Variants in CAMTA1 observed in about 807,000 individuals in gnomAD.
The protein encoded by CAMTA1 is calmodulin-binding transcription activator 1.
In CAMTA1, 27 loss-of-function variants were observed where a neutral mutation model predicts 170.9. The ratio of observed to expected loss-of-function variants is 0.16; its 90% CI spans 0.12 to 0.22. The LOEUF is 0.22. CAMTA1 is among the 10% of genes least tolerant of loss of function. The pLI is 1.00. For missense variants in CAMTA1, 1,619 were observed against 2,217.2 expected (o/e 0.73, Z 5.42); for synonymous variants, 833 against 891.5 (o/e 0.93, Z 1.17).
At chr1:7,469,952 G>T (rs1244142803) in intron 6 of CAMTA1, among the ~76,000 whole-genome samples, 1 of 152,200 alleles carries the variant, frequency 6.6e-6, no homozygotes, top group Non-Finnish European at 1.5e-5. Context: ...TCCAGCCTCC[G>T]TATGCTGGAG....
At chr1:7,191,097 G>A (rs905122505) in intron 4 of CAMTA1, among the ~76,000 whole-genome samples, 1 of 152,226 alleles carries the variant, frequency 6.6e-6, no homozygotes, top group African/African-American at 2.4e-5. Context: ...CATTTTGTTT[G>A]TTTGGCTTTA....
At chr1:7,229,613 A>G (rs1558278596) in intron 4 of CAMTA1, among the ~76,000 whole-genome samples, 1 of 99,386 alleles carries the variant, frequency 1.0e-5, no homozygotes, top group Admixed American at 1.1e-4. Flanking sequence ...AGGGGAGGCT[A>G]GGAGGAGAGG....
At chr1:7,498,811 G>T (rs1481015328) in intron 6 of CAMTA1, among the ~76,000 whole-genome samples, 1 of 148,090 alleles carries the variant, frequency 6.8e-6, no homozygotes, top group Non-Finnish European at 1.5e-5. Flanking sequence ...GTGTACATGT[G>T]TGTAGAGAGG....
chr1:7,068,625 A>G (rs965520909), intron 3 of CAMTA1, among the ~76,000 whole-genome samples: 2 of 151,456 alleles, frequency 1.3e-5, no homozygotes, highest in Non-Finnish European at 2.9e-5. Context: ...AATAATCTGG[A>G]CAAATAAAGT....
chr1:7,433,535 G>A (rs2092249760), intron 5 of CAMTA1, among the ~76,000 whole-genome samples: 1 of 152,198 alleles, frequency 6.6e-6, no homozygotes, highest in South Asian at 2.1e-4. Context: ...CCAATGGCAA[G>A]GTGAAGCCAC....
intron 3 of CAMTA1, among the ~76,000 whole-genome samples, chr1:6,949,724 A>G (rs1688156529): frequency 6.6e-6 from 1 of 152,236 alleles, no homozygotes; most frequent in Non-Finnish European, 1.5e-5. Flanking sequence ...TTCTCACTGT[A>G]GAGCTAACCT....
At chr1:6,969,970 G>A (rs569053091) in intron 3 of CAMTA1, among the ~76,000 whole-genome samples, 3 of 152,178 alleles carry the variant, frequency 2.0e-5, no homozygotes, top group Admixed American at 6.5e-5. Context: ...CATGTCACAC[G>A]TGCAAATTTG....
intron 3 of CAMTA1, among the ~76,000 whole-genome samples, chr1:7,084,887 A>G (rs1327577943): frequency 6.6e-6 from 1 of 152,240 alleles, no homozygotes; most frequent in African/African-American, 2.4e-5. Flanking sequence ...AAAAATTAGT[A>G]AAATCATACT....
At chr1:6,954,700 C>T (rs575391073) in intron 3 of CAMTA1, among the ~76,000 whole-genome samples, 1 of 152,312 alleles carries the variant, frequency 6.6e-6, no homozygotes, top group East Asian at 1.9e-4. Flanking sequence ...ACCCTTAAGA[C>T]TAAATCCTCA....
At position 7,426,632 on chromosome 1, in the gene CAMTA1, G is replaced by A. The variant is rs970484305; in HGVS notation, c.439-41198G>A. Among the ~76,000 whole-genome samples the A allele has an allele frequency of 2.4e-4, 36 of 152,072 alleles. 1 individual carries two copies. The highest frequency in any genetic ancestry group is 2.3e-3 in the Admixed American group (35 of 15,276). On this transcript the variant is annotated intron_variant, in intron 5 of 22. Transcript: ENST00000303635. This position sits in a 1 kb window ranked among gnomAD's most constrained non-coding sequence, Gnocchi z 4.8. ...GCCTGGCTCAGAGCTTCTGTGATTG[G>A]GGGCTGATGGCGACTGTGCAAAAAA...
At position 7,536,416 on chromosome 1, in the gene CAMTA1, G is replaced by A. The variant is rs550680073; in HGVS notation, c.510+68515G>A. Among the ~76,000 whole-genome samples, 13 of 152,322 alleles carry A rather than the reference G, an allele frequency of 8.5e-5. No individual in the cohort carries two copies. In the East Asian group the frequency reaches 1.2e-3, roughly 14 times the overall value. ...CCTGGGTTCACTCTGCGTCCCTGCC[G>A]CTGCAGCCTGCCCTTTGCTGTGGGT... On this transcript the variant is annotated intron_variant, in intron 6 of 22. Transcript: ENST00000303635.
intron 7 of CAMTA1, among the ~76,000 whole-genome samples, chr1:7,656,739 T>A (rs1012742125): frequency 6.6e-6 from 1 of 152,232 alleles, no homozygotes; most frequent in Non-Finnish European, 1.5e-5. Flanking sequence ...CTTCTAGATC[T>A]CAATTACTCT....
intron 4 of CAMTA1, among the ~76,000 whole-genome samples, chr1:7,189,782 G>C (rs1654168616): frequency 6.6e-6 from 1 of 152,134 alleles, no homozygotes; most frequent in East Asian, 1.9e-4. Flanking sequence ...CCCACTACTG[G>C]GTATCTACCC....
Position 7,745,834 on chromosome 1 carries a change from T to C in CAMTA1, c.4371-11T>C. 2.5e-6 allele frequency: 4 copies of C among 1,613,776 alleles called. No homozygotes were observed. The highest frequency in any genetic ancestry group is 3.4e-6 in the Non-Finnish European group (4 of 1,179,716). ...ATTAATCTGTCTCTCCTTTTTCTCC[T>C]CTTGTTTCAGAAGTGCATATAACGA... On this transcript the variant is annotated splice_polypyrimidine_tract_variant and intron_variant, in intron 17 of 22. Transcript: ENST00000303635.
intron 3 of CAMTA1, among the ~76,000 whole-genome samples, chr1:6,978,639 AATAC>A (rs1328947677): frequency 1.3e-5 from 2 of 150,974 alleles, no homozygotes; most frequent in African/African-American, 4.9e-5. Flanking sequence ...ATCTAAAAAA[AATAC>A]ATATATATAG....
intron 6 of CAMTA1, among the ~76,000 whole-genome samples, chr1:7,639,749 C>T (rs1033420416): frequency 1.5e-4 from 23 of 150,442 alleles, no homozygotes; most frequent in Admixed American, 7.3e-4. Flanking sequence ...CCAACCTGGA[C>T]GATGGAGTGA....
At chr1:7,511,443 CA>C (rs2094200504) in intron 6 of CAMTA1, among the ~76,000 whole-genome samples, 2 of 110,536 alleles carry the variant, frequency 1.8e-5, no homozygotes, top group African/African-American at 5.6e-5. Flanking sequence ...TTATCATTAT[CA>C]CCATGGACAC....
chr1:6,953,104 A>C (rs1192573389), intron 3 of CAMTA1, among the ~76,000 whole-genome samples: 1 of 152,126 alleles, frequency 6.6e-6, no homozygotes, highest in African/African-American at 2.4e-5. Flanking sequence ...CAGTTATTAA[A>C]TATTCTTTGC....
chr1:7,172,551 AG>A (rs1206991831), intron 4 of CAMTA1, among the ~76,000 whole-genome samples: 2 of 152,212 alleles, frequency 1.3e-5, no homozygotes, highest in Admixed American at 6.5e-5. Context: ...TGGTCACCAA[AG>A]GGGGCAGGGC....
Sources: gnomAD v4.1 joint callset for allele counts (sites outside exome capture counted in the v4.1 genomes callset) on GRCh38, gnomAD v4.1.1 for gene constraint, Gnocchi (gnomAD v3.1) non-coding constraint, MANE v1.5 for transcripts, NCBI Gene and HGNC (gene_info 2026-07-23, HGNC 2026-07-21) for gene names.